The following ADAM22 variants were observed in gnomAD, a reference collection of about 807,000 sequenced individuals.
ADAM22 encodes disintegrin and metalloproteinase domain-containing protein 22.
A neutral mutation model predicts 144.6 loss-of-function variants in ADAM22; 65 were observed. The observed-to-expected ratio is 0.45, with a 90% confidence interval of 0.37 to 0.55. ADAM22 has a LOEUF of 0.55. Among genes scored for constraint, ADAM22 ranks in the 20% least tolerant of loss-of-function variants. The pLI, the probability that ADAM22 is intolerant of heterozygous loss-of-function variation, is 0.00. For synonymous variants in ADAM22, 391 were observed against 412.6 expected, an observed-to-expected ratio of 0.95 and a Z score of 0.63; for missense variants, 974 against 1,184.9, an observed-to-expected ratio of 0.82 and a Z score of 2.61.
chr7:88,117,693 ATTTT>A (rs11290840), intron 7 of ADAM22, among the ~76,000 whole-genome samples: 4 of 134,920 alleles, frequency 3.0e-5, no homozygotes, highest in Admixed American at 1.5e-4. Flanking sequence ...CCTTATTTTA[ATTTT>A]TTTTTTTTTT....
intron 2 of ADAM22, among the ~76,000 whole-genome samples, chr7:87,972,455 C>T (rs1309718984): frequency 3.9e-5 from 6 of 151,900 alleles, no homozygotes; most frequent in East Asian, 1.9e-4. Flanking sequence ...AATGGAAGAA[C>T]GTTCCATGCT....
intron 22 of ADAM22, among the ~76,000 whole-genome samples, chr7:88,161,092 C>T (rs1020890724): frequency 5.3e-5 from 8 of 151,474 alleles, no homozygotes; most frequent in African/African-American, 1.9e-4. Flanking sequence ...GCACATGTAC[C>T]CTAGAACTTA....
chr7:88,138,039 A>G (rs974961119), intron 14 of ADAM22, among the ~76,000 whole-genome samples: 1 of 152,122 alleles, frequency 6.6e-6, no homozygotes, highest in Non-Finnish European at 1.5e-5. Flanking sequence ...CTGTAGTCCC[A>G]GCTACTTGGG....
chr7:87,947,267 T>C (rs887748659), intron 2 of ADAM22, among the ~76,000 whole-genome samples: 4 of 151,424 alleles, frequency 2.6e-5, no homozygotes, highest in Admixed American at 2.0e-4. Flanking sequence ...AAAAATGTTC[T>C]CACTTTTTAT....
chr7:88,033,072 G>T, intron 3 of ADAM22, among the ~76,000 whole-genome samples: 1 of 152,132 alleles, frequency 6.6e-6, no homozygotes, highest in Non-Finnish European at 1.5e-5. Flanking sequence ...ATGTTTTTCT[G>T]GTCTTGCTGG....
intron 3 of ADAM22, among the ~76,000 whole-genome samples, chr7:88,025,568 G>A (rs769578648): frequency 3.3e-5 from 5 of 152,038 alleles, no homozygotes; most frequent in Non-Finnish European, 7.4e-5. Context: ...TAGGGGTCTC[G>A]TTTCATTCCT....
chr7:88,128,568 T>C (rs1238046453), intron 8 of ADAM22, 34 bp from the exon 9 acceptor site: 1 of 1,563,754 alleles, frequency 6.4e-7, no homozygotes, highest in Non-Finnish European at 8.8e-7. Flanking sequence ...TTTAGAGGGC[T>C]GAATTAGGTG....
intron 22 of ADAM22, among the ~76,000 whole-genome samples, chr7:88,161,825 GCAGA>G (rs1841724347): frequency 6.6e-6 from 1 of 151,984 alleles, no homozygotes; most frequent in Non-Finnish European, 1.5e-5. Flanking sequence ...TGGCAAGGTC[GCAGA>G]CAAAGGGGAA....
intron 29 of ADAM22, among the ~76,000 whole-genome samples, chr7:88,182,789 C>T (rs762023515): frequency 1.3e-5 from 2 of 152,152 alleles, no homozygotes; most frequent in Non-Finnish European, 2.9e-5. Flanking sequence ...GAATAAAACA[C>T]ATCCTTAGTA....
At chr7:88,181,753 A>G in intron 28 of ADAM22, 148 bp downstream of exon 28, 1 of 822,566 alleles carries the variant, frequency 1.2e-6, no homozygotes, top group Non-Finnish European at 1.9e-6. Context: ...CCTAGTTTTT[A>G]TCTGGATGGG....
intron 27 of ADAM22, among the ~76,000 whole-genome samples, chr7:88,180,828 C>T (rs2373483): frequency 6.6e-6 from 1 of 151,840 alleles, no homozygotes; most frequent in African/African-American, 2.4e-5. Flanking sequence ...TCTTTTAGAT[C>T]ATTCATTTAA....
chr7:88,122,220 A>G (rs1380358830), intron 7 of ADAM22, among the ~76,000 whole-genome samples: 1 of 152,134 alleles, frequency 6.6e-6, no homozygotes, highest in Admixed American at 6.5e-5. Flanking sequence ...TTTCTCACAT[A>G]GGCCTCTCCA....
intron 4 of ADAM22, among the ~76,000 whole-genome samples, chr7:88,076,960 A>G (rs1039001339): frequency 1.3e-5 from 2 of 152,222 alleles, no homozygotes; most frequent in Non-Finnish European, 1.5e-5. Flanking sequence ...ACAAAAAAGG[A>G]AAACTTTATC....
chr7:88,091,442 CT>C (rs1278574322), intron 4 of ADAM22, among the ~76,000 whole-genome samples: 1 of 152,092 alleles, frequency 6.6e-6, no homozygotes, highest in Non-Finnish European at 1.5e-5. Flanking sequence ...ATCTGTATGT[CT>C]TTCAATCCTA....
At chr7:87,934,863 CG>C in intron 1 of ADAM22, 162 bp from the exon 2 acceptor site, 1 of 995,686 alleles carries the variant, frequency 1.0e-6, no homozygotes, top group Non-Finnish European at 1.5e-6. Context: ...CCAAGGCTCT[CG>C]GGCTGGTGTC....
At chr7:88,117,033 T>C (rs1461170130) in intron 7 of ADAM22, among the ~76,000 whole-genome samples, 1 of 152,112 alleles carries the variant, frequency 6.6e-6, no homozygotes, top group Non-Finnish European at 1.5e-5. Context: ...AATTTTAAAA[T>C]TAAAAATAAG....
At chr7:88,130,557 G>A (rs1264079912) in intron 10 of ADAM22, 98 bp downstream of exon 10, 1 of 1,220,938 alleles carries the variant, frequency 8.2e-7, no homozygotes, top group Non-Finnish European at 1.2e-6. Flanking sequence ...ACTGCTCTAT[G>A]TTGCACTTCA....
At chr7:88,005,230 G>T (rs1201063414) in intron 3 of ADAM22, among the ~76,000 whole-genome samples, 2 of 152,130 alleles carry the variant, frequency 1.3e-5, no homozygotes, top group Non-Finnish European at 2.9e-5. Flanking sequence ...TTCCTGAGCT[G>T]GTTGCCAGGA....
intron 14 of ADAM22, among the ~76,000 whole-genome samples, chr7:88,139,447 T>TA (rs1833970352): frequency 1.3e-5 from 2 of 150,526 alleles, no homozygotes; most frequent in Non-Finnish European, 3.0e-5. Flanking sequence ...AATAAATAAA[T>TA]AAATAAATAA....
Sources: gnomAD v4.1 joint callset for allele counts (sites outside exome capture counted in the v4.1 genomes callset) on GRCh38, gnomAD v4.1.1 for gene constraint, MANE v1.5 for transcripts, NCBI Gene and HGNC (gene_info 2026-07-23, HGNC 2026-07-21) for gene names.